PTPRM: variants seen among roughly 807,000 people sequenced by gnomAD.
PTPRM encodes receptor-type tyrosine-protein phosphatase mu.
Under a neutral mutation model 186.7 loss-of-function variants are expected in PTPRM, and 47 were observed. The ratio of observed to expected loss-of-function variants is 0.25; its 90% confidence interval spans 0.20 to 0.32. The LOEUF (loss-of-function observed/expected upper bound fraction) is 0.32, where lower values mean the gene tolerates loss of function less well. Ranked by LOEUF, PTPRM falls within the 10% of genes least tolerant of loss-of-function variation. The pLI, the probability that PTPRM is intolerant of heterozygous loss-of-function variation, is 1.00. For synonymous variants in PTPRM, 668 were observed against 674.9 expected (o/e 0.99, Z 0.16); for missense variants, 1,494 against 1,865.0 (o/e 0.80, Z 3.66).
chr18:8,338,975 T>G (rs897487912), intron 22 of PTPRM, among the ~76,000 whole-genome samples: 11 of 152,158 alleles, frequency 7.2e-5, no homozygotes, highest in African/African-American at 2.7e-4. Context: ...CAAGTGCAGT[T>G]GTGTTACGTG....
At chr18:8,390,971 AG>A (rs1236106971) in intron 31 of PTPRM, among the ~76,000 whole-genome samples, 7 of 117,364 alleles carry the variant, frequency 6.0e-5, no homozygotes, top group African/African-American at 2.2e-4. Flanking sequence ...ATAATAATAA[AG>A]ATGTCCCGAA....
chr18:8,307,667 G>A (rs540389497), intron 20 of PTPRM, among the ~76,000 whole-genome samples: 101 of 152,166 alleles, frequency 6.6e-4, no homozygotes, highest in African/African-American at 2.4e-3. Flanking sequence ...AGCTGGGCAT[G>A]GTGGCAGCTG....
intron 23 of PTPRM, among the ~76,000 whole-genome samples, chr18:8,345,333 G>A (rs2095499478): frequency 6.6e-6 from 1 of 152,134 alleles, no homozygotes; most frequent in African/African-American, 2.4e-5. Flanking sequence ...CTGGTTTTGT[G>A]AAAAGGTTAA....
chr18:7,617,571 T>A (rs75067538), intron 1 of PTPRM, among the ~76,000 whole-genome samples: 5,278 of 152,264 alleles, frequency 0.035, 489 homozygotes, highest in East Asian at 0.3. Context: ...AAAAACATAG[T>A]TTTCCAGAGT....
chr18:8,180,423 G>T (rs889614516), intron 14 of PTPRM, among the ~76,000 whole-genome samples: 3 of 152,162 alleles, frequency 2.0e-5, no homozygotes, highest in African/African-American at 7.2e-5. Flanking sequence ...TTATTAAAAA[G>T]CTTTAGAGCA....
chr18:8,268,520 T>C (rs2094729793), intron 19 of PTPRM, among the ~76,000 whole-genome samples: 2 of 152,094 alleles, frequency 1.3e-5, no homozygotes, highest in South Asian at 2.1e-4. Flanking sequence ...TTAAGGCTAG[T>C]ATTTCTCAGA....
At chr18:8,399,650 AC>A (rs2095861820) in intron 32 of PTPRM, 1 of 152,126 alleles carries the variant, frequency 6.6e-6, no homozygotes, top group African/African-American at 2.4e-5. Context: ...CTGCCGCTGC[AC>A]CCCCTTTACA....
intron 14 of PTPRM, among the ~76,000 whole-genome samples, chr18:8,193,240 G>T (rs930213412): frequency 6.6e-6 from 1 of 152,142 alleles, no homozygotes; most frequent in South Asian, 2.1e-4. Context: ...CTGGAACCAG[G>T]CAAAGGGTAT....
chr18:7,901,765 C>T (rs1010499555), intron 3 of PTPRM, among the ~76,000 whole-genome samples: 1 of 152,208 alleles, frequency 6.6e-6, no homozygotes, highest in Non-Finnish European at 1.5e-5. Context: ...TACTGTATGG[C>T]ATCTAAATTC....
Position 8,088,959 on chromosome 18 carries a change from G to T in PTPRM, c.1856+108G>T, listed in dbSNP as rs145033295. Reference sequence around the variant, plus strand: ...ATTTGCTGCAAATCTCAGCCAGCATGTAAATCCATATGTTTATTAGCTCTA... The same window carrying T: ...ATTTGCTGCAAATCTCAGCCAGCATTTAAATCCATATGTTTATTAGCTCTA... On this transcript the variant is annotated intron_variant, in intron 11 of 32. Transcript: ENST00000580170. 345 of 835,370 alleles carry T rather than the reference G, an allele frequency of 4.1e-4. No homozygotes were observed. The East Asian group carries it at 8.9e-3, about 22-fold the overall frequency. The allele number at this position is 835,370 out of a possible 1,614,324, so 51.7% of individuals were successfully genotyped here. A position where few individuals can be genotyped will look rare whatever the true frequency, so the allele number is the denominator to read the frequency against.
intron 17 of PTPRM, 77 bp from the exon 18 acceptor site, chr18:8,252,411 A>G: frequency 8.7e-7 from 1 of 1,143,056 alleles, no homozygotes; most frequent in Non-Finnish European, 1.3e-6. Context: ...ACCTGTAATT[A>G]TGCACGCAGT....
chr18:7,717,658 CT>C (rs1339884794), intron 1 of PTPRM, among the ~76,000 whole-genome samples: 3 of 152,230 alleles, frequency 2.0e-5, no homozygotes, highest in Non-Finnish European at 4.4e-5. Context: ...CTTAAGTCAT[CT>C]GTGGACAGCA....
At chr18:7,704,584 G>T (rs1008271063) in intron 1 of PTPRM, among the ~76,000 whole-genome samples, 1 of 152,000 alleles carries the variant, frequency 6.6e-6, no homozygotes, top group African/African-American at 2.4e-5. Flanking sequence ...CTGGCTAGTG[G>T]TCTCTCTAAC....
rs1488485475 is a variant in PTPRM, at chr18:8,376,147, G to A, written c.3273G>A (p.Arg1091=). The part of the protein sequence containing the change: ...YHATGLLGFV[R]QVKSKSPPSA... ...CCACCGGCCTGCTGGGATTCGTGCGGCAAGTCAAGTCCAAGAGCCCGCCCA... is the reference window on the plus strand; with the variant it reads ...CCACCGGCCTGCTGGGATTCGTGCGACAAGTCAAGTCCAAGAGCCCGCCCA... The change falls in exon 25 of 33, where the codon CGG becomes CGA. Residue 1091 remains arginine, a synonymous_variant. Transcript: ENST00000580170. The A allele has an allele frequency of 6.2e-7, 1 of 1,613,858 alleles. No homozygotes were observed. The highest frequency in any genetic ancestry group is 1.7e-5 in the Admixed American group (1 of 60,030).
At chr18:8,183,691 A>C (rs531061849) in intron 14 of PTPRM, among the ~76,000 whole-genome samples, 1 of 152,244 alleles carries the variant, frequency 6.6e-6, no homozygotes, top group Non-Finnish European at 1.5e-5. Flanking sequence ...AGGAGGAATA[A>C]AATGGAATAA....
intron 2 of PTPRM, among the ~76,000 whole-genome samples, chr18:7,842,294 G>A (rs1227926203): frequency 1.3e-5 from 2 of 152,186 alleles, no homozygotes; most frequent in Non-Finnish European, 2.9e-5. Context: ...TTGTCACCCC[G>A]ATAATAACTA....
At position 8,379,163 on chromosome 18, in the gene PTPRM, G is replaced by A. The variant is rs761594183; in HGVS notation, c.3613-4G>A. The stretch of plus-strand genomic sequence containing the variant: ...TCCTCATGTTCCTTTCTTTTCTCAC[G>A]CAGACGCTAAACATGGTGACACCAA... On this transcript the variant is annotated splice_polypyrimidine_tract_variant and splice_region_variant and intron_variant, in intron 27 of 32. Transcript: ENST00000580170. 2.5e-5 allele frequency: 40 copies of A among 1,582,580 alleles called. No homozygotes were observed. The highest frequency in any genetic ancestry group is 1.7e-4 in the Middle Eastern group (1 of 5,926).
At chr18:8,318,469 G>A (rs574569498) in intron 21 of PTPRM, among the ~76,000 whole-genome samples, 6 of 151,334 alleles carry the variant, frequency 4.0e-5, no homozygotes, top group African/African-American at 7.3e-5. Flanking sequence ...GCTAATTTTT[G>A]TATTTTTTGT....
intron 22 of PTPRM, among the ~76,000 whole-genome samples, chr18:8,336,607 A>AGAGGAG (rs2095440684): frequency 7.0e-6 from 1 of 142,992 alleles, no homozygotes; most frequent in South Asian, 2.5e-4. Flanking sequence ...AGAAAAGAAG[A>AGAGGAG]GAGGAGGAGG....
Sources: gnomAD v4.1 joint callset for allele counts (sites outside exome capture counted in the v4.1 genomes callset) on GRCh38, gnomAD v4.1.1 for gene constraint, MANE v1.5 for transcripts, NCBI Gene and HGNC (gene_info 2026-07-23, HGNC 2026-07-21) for gene names.